The following IL15 variants were observed in gnomAD, a reference collection of about 807,000 sequenced individuals.
IL15 encodes interleukin 15, also known as interleukin-15.
In IL15, 11 loss-of-function variants were observed where a neutral mutation model predicts 19.6. The observed-to-expected ratio is 0.56, with a 90% CI of 0.35 to 0.93. IL15 has a LOEUF of 0.93. IL15 is among the 40% of genes least tolerant of loss of function. IL15 has a pLI of 0.01. For missense variants in IL15, 197 were observed against 186.5 expected, an observed-to-expected ratio of 1.06 and a Z score of -0.33; for synonymous variants, 58 against 59.6, an observed-to-expected ratio of 0.97 and a Z score of 0.12.
intron 1 of IL15, among the ~76,000 whole-genome samples, chr4:141,640,636 T>A (rs1727010301): frequency 6.6e-6 from 1 of 152,226 alleles, no homozygotes; most frequent in African/African-American, 2.4e-5. Context: ...AGAGGCTCTT[T>A]AATCTCAGTT....
intron 2 of IL15, among the ~76,000 whole-genome samples, chr4:141,662,597 T>G (rs889954896): frequency 6.6e-6 from 1 of 152,222 alleles, no homozygotes; most frequent in Non-Finnish European, 1.5e-5. Flanking sequence ...CATGTAGCTG[T>G]GTTCTTTGTT....
intron 5 of IL15, among the ~76,000 whole-genome samples, chr4:141,725,376 C>G (rs1402451612): frequency 1.3e-5 from 2 of 152,096 alleles, no homozygotes; most frequent in Non-Finnish European, 1.5e-5. Context: ...TGACTGGTAT[C>G]TTTAGAAAAA....
chr4:141,697,540 C>T (rs145449179), intron 2 of IL15, among the ~76,000 whole-genome samples: 70 of 151,402 alleles, frequency 4.6e-4, no homozygotes, highest in African/African-American at 1.5e-3. Context: ...TTTCTAGTTC[C>T]GTGAAGAATA....
chr4:141,652,326 C>A, intron 1 of IL15, among the ~76,000 whole-genome samples: 1 of 152,028 alleles, frequency 6.6e-6, no homozygotes, highest in South Asian at 2.1e-4. Context: ...AAGGAAGAAC[C>A]AGCAGTGCTA....
chr4:141,730,210 G>T (rs1730406952), intron 7 of IL15, among the ~76,000 whole-genome samples: 1 of 152,138 alleles, frequency 6.6e-6, no homozygotes, highest in Non-Finnish European at 1.5e-5. Flanking sequence ...CAGGTAGTGT[G>T]CTTCAGTGCT....
intron 2 of IL15, among the ~76,000 whole-genome samples, chr4:141,661,501 C>T (rs897777055): frequency 3.9e-5 from 6 of 152,114 alleles, no homozygotes; most frequent in African/African-American, 1.4e-4. Flanking sequence ...TGCCATTCCT[C>T]GTAAGATCCA....
At chr4:141,718,384 A>T (rs1284548222) in intron 2 of IL15, 2 of 152,190 alleles carry the variant, frequency 1.3e-5, no homozygotes, top group South Asian at 4.1e-4. Context: ...TTTATAAAAA[A>T]TTTGAAGCAC....
At chr4:141,681,024 G>T (rs1269677277) in intron 2 of IL15, among the ~76,000 whole-genome samples, 1 of 152,048 alleles carries the variant, frequency 6.6e-6, no homozygotes, top group Non-Finnish European at 1.5e-5. Flanking sequence ...TCCTGGCTTT[G>T]TATCCTTACC....
At chr4:141,659,901 GTTGGGA>G (rs1213416849) in intron 2 of IL15, among the ~76,000 whole-genome samples, 2 of 151,576 alleles carry the variant, frequency 1.3e-5, no homozygotes, top group African/African-American at 4.8e-5. Context: ...AGCTTCCTTT[GTTGGGA>G]TACTTAAAAA....
intron 5 of IL15, among the ~76,000 whole-genome samples, chr4:141,726,138 G>T (rs1730256534): frequency 6.6e-6 from 1 of 151,964 alleles, no homozygotes; most frequent in East Asian, 1.9e-4. Flanking sequence ...GCCACATTGG[G>T]GATTAAGTTT....
chr4:141,729,507 G>C (rs182253776), intron 6 of IL15, among the ~76,000 whole-genome samples: 3 of 152,170 alleles, frequency 2.0e-5, no homozygotes, highest in Non-Finnish European at 2.9e-5. Context: ...CAAATAAACT[G>C]TCTATATTGA....
intron 2 of IL15, among the ~76,000 whole-genome samples, chr4:141,692,113 G>A (rs1453274567): frequency 2.0e-5 from 3 of 152,238 alleles, no homozygotes; most frequent in Non-Finnish European, 4.4e-5. Context: ...ACCAAGGCTT[G>A]GGACTTGCAC....
chr4:141,717,887 C>T (rs1729941358), intron 2 of IL15: 1 of 152,188 alleles, frequency 6.6e-6, no homozygotes, highest in African/African-American at 2.4e-5. Context: ...TCTCAAACTC[C>T]CGACATCAGG....
rs141314005 is a variant in IL15 at position 141,660,473 on chromosome 4, C to T, written c.-100+4166C>T. Among the ~76,000 whole-genome samples, 257 of 152,186 alleles carry T rather than the reference C, an allele frequency of 1.7e-3. 2 individuals are homozygous for T. Among genetic ancestry groups the T allele is most frequent in the African/African-American group, 5.8e-3 (240 of 41,526 alleles). On this transcript the variant is annotated intron_variant, in intron 2 of 7. Coordinates refer to ENST00000320650, the MANE Select transcript of IL15 (RefSeq NM_000585.5). Reference sequence around the variant, plus strand: ...TCTCTTTGATTATCAGGGTATTATGCGCTCATTATAGAAGAGTGAAAACTA... The same window carrying T: ...TCTCTTTGATTATCAGGGTATTATGTGCTCATTATAGAAGAGTGAAAACTA...
intron 3 of IL15, 83 bp from the exon 4 acceptor site, chr4:141,720,386 C>A: frequency 1.4e-6 from 1 of 716,258 alleles, no homozygotes. Context: ...CATCTTTAGA[C>A]CTAAAAATAT....
intron 2 of IL15, among the ~76,000 whole-genome samples, chr4:141,669,598 G>A (rs1023766587): frequency 6.6e-6 from 1 of 152,088 alleles, no homozygotes; most frequent in Non-Finnish European, 1.5e-5. Context: ...AGAAGAGAAT[G>A]TTGTCTGGGT....
At chr4:141,638,839 A>C (rs1489223829) in intron 1 of IL15, among the ~76,000 whole-genome samples, 1 of 152,182 alleles carries the variant, frequency 6.6e-6, no homozygotes, top group African/African-American at 2.4e-5. Flanking sequence ...AACTTTGATC[A>C]GCTTTTTAAA....
intron 2 of IL15, among the ~76,000 whole-genome samples, chr4:141,692,620 T>C (rs1244528668): frequency 1.3e-5 from 2 of 152,146 alleles, no homozygotes; most frequent in African/African-American, 4.8e-5. Context: ...AAGTTCAAAG[T>C]TGCACAGATC....
chr4:141,703,576 C>G (rs1210165990), intron 2 of IL15, among the ~76,000 whole-genome samples: 3 of 151,970 alleles, frequency 2.0e-5, no homozygotes, highest in Non-Finnish European at 2.9e-5. Context: ...GATATGTGCT[C>G]AAAGGTAGAA....
Sources: gnomAD v4.1 joint callset for allele counts (sites outside exome capture counted in the v4.1 genomes callset) on GRCh38, gnomAD v4.1.1 for gene constraint, MANE v1.5 for transcripts, NCBI Gene and HGNC (gene_info 2026-07-23, HGNC 2026-07-21) for gene names.